Variants in EPM2A observed in about 807,000 individuals in gnomAD.
EPM2A encodes EPM2A glucan phosphatase, laforin.
EPM2A carries 21 observed loss-of-function variants against 26.5 expected under a neutral mutation model. That is an observed-to-expected ratio of 0.79 (90% CI 0.56 to 1.14). The LOEUF (loss-of-function observed/expected upper bound fraction) is 1.14, where lower values mean the gene tolerates loss of function less well. Among genes scored for constraint, EPM2A ranks in the 50% most tolerant of loss-of-function variants. EPM2A has a pLI of 0.00. For synonymous variants in EPM2A, 217 were observed against 177.6 expected, an observed-to-expected ratio of 1.22 and a Z score of -1.76; for missense variants, 458 against 440.8, an observed-to-expected ratio of 1.04 and a Z score of -0.35.
intron 4 of EPM2A, among the ~76,000 whole-genome samples, chr6:145,456,881 G>A (rs903240703): frequency 8.5e-5 from 13 of 152,154 alleles, no homozygotes; most frequent in African/African-American, 3.1e-4. Context: ...AATTTTCAAT[G>A]TATATATTTT....
chr6:145,436,114 G>A (rs145567050), intron 4 of EPM2A, among the ~76,000 whole-genome samples: 29 of 152,120 alleles, frequency 1.9e-4, no homozygotes, highest in African/African-American at 6.5e-4. Context: ...TCTCCTTCCC[G>A]CCAACCACTG....
chr6:145,663,464 G>A (rs900270642), intron 2 of EPM2A, among the ~76,000 whole-genome samples: 1 of 152,220 alleles, frequency 6.6e-6, no homozygotes, highest in African/African-American at 2.4e-5. Flanking sequence ...AAGGGGTCAG[G>A]GAGTTCCCTT....
chr6:145,444,596 T>C (rs370481832), intron 4 of EPM2A, among the ~76,000 whole-genome samples: 103 of 152,342 alleles, frequency 6.8e-4, no homozygotes, highest in African/African-American at 2.3e-3. Flanking sequence ...CCTGGACCCA[T>C]AGAATGAGTT....
At chr6:145,714,720 CAA>C (rs1476905871) in intron 1 of EPM2A, among the ~76,000 whole-genome samples, 1 of 152,126 alleles carries the variant, frequency 6.6e-6, no homozygotes, top group Admixed American at 6.5e-5. Context: ...TGACAGCAGG[CAA>C]AGAGAGAGAG....
chr6:145,468,605 A>G (rs913938791), intron 4 of EPM2A, among the ~76,000 whole-genome samples: 4 of 148,044 alleles, frequency 2.7e-5, no homozygotes, highest in Non-Finnish European at 4.5e-5. Flanking sequence ...CTAGACCTCT[A>G]TCTCTCATCA....
intron 2 of EPM2A, among the ~76,000 whole-genome samples, chr6:145,577,033 CA>C (rs1032494084): frequency 6.0e-5 from 9 of 148,824 alleles, no homozygotes; most frequent in African/African-American, 1.7e-4. Flanking sequence ...TACACACACA[CA>C]AAAGAAAAAA....
chr6:145,482,567 T>C (rs1245201491), intron 4 of EPM2A, among the ~76,000 whole-genome samples: 1 of 152,106 alleles, frequency 6.6e-6, no homozygotes, highest in Non-Finnish European at 1.5e-5. Context: ...AGATACTCTA[T>C]GTAATCTTTA....
intron 2 of EPM2A, among the ~76,000 whole-genome samples, chr6:145,573,581 A>G (rs1157993123): frequency 6.6e-6 from 1 of 152,220 alleles, no homozygotes; most frequent in East Asian, 1.9e-4. Context: ...GTCCTTGATG[A>G]TGGCACTAAT....
chr6:145,490,074 A>G (rs1212535699), intron 4 of EPM2A: 3 of 1,293,520 alleles, frequency 2.3e-6, no homozygotes, highest in Non-Finnish European at 3.2e-6. Flanking sequence ...ACCTGAAGCA[A>G]TGGTAGCACA....
chr6:145,397,056 T>C (rs1248808384), intron 4 of EPM2A, among the ~76,000 whole-genome samples: 2 of 152,218 alleles, frequency 1.3e-5, no homozygotes, highest in Non-Finnish European at 1.5e-5. Flanking sequence ...AAACATTTCA[T>C]GTGTCCTGCC....
chr6:145,498,302 G>C (rs938386477), downstream of EPM2A, among the ~76,000 whole-genome samples: 3 of 152,172 alleles, frequency 2.0e-5, no homozygotes, highest in Non-Finnish European at 4.4e-5. Flanking sequence ...CATGGAAGTG[G>C]GGCCCTCAGA....
At chr6:145,584,027 T>C (rs184776608) in intron 2 of EPM2A, among the ~76,000 whole-genome samples, 40 of 152,192 alleles carry the variant, frequency 2.6e-4, no homozygotes, top group Admixed American at 1.7e-3. Context: ...TGGGGCAGCA[T>C]AGTGTGTGTG....
intron 2 of EPM2A, among the ~76,000 whole-genome samples, chr6:145,656,616 A>G (rs1009974385): frequency 2.0e-5 from 3 of 151,936 alleles, no homozygotes; most frequent in African/African-American, 7.3e-5. Flanking sequence ...AGGTGGCATT[A>G]GAGAGAGGGC....
chr6:145,494,077 C>T (rs1194496636), intron 4 of EPM2A, among the ~76,000 whole-genome samples: 1 of 152,168 alleles, frequency 6.6e-6, no homozygotes, highest in Non-Finnish European at 1.5e-5. Flanking sequence ...ATTCTGTGTA[C>T]ATCTGGTAGA....
intron 1 of EPM2A, among the ~76,000 whole-genome samples, chr6:145,712,198 T>C (rs1775370835): frequency 6.6e-6 from 1 of 152,140 alleles, no homozygotes; most frequent in Admixed American, 6.6e-5. Context: ...ATGGTGAAGA[T>C]GAAGCCTGCA....
chr6:145,671,483 T>A, intron 2 of EPM2A: 4 of 653,416 alleles, frequency 6.1e-6, no homozygotes, highest in Non-Finnish European at 7.6e-6. Context: ...GCCTTAGCTT[T>A]TGAAATTAAC....
chr6:145,479,971 A>G (rs9399550), intron 4 of EPM2A, among the ~76,000 whole-genome samples: 12,132 of 152,094 alleles, frequency 0.08, 691 homozygotes, highest in East Asian at 0.27. Context: ...GCAAAGTGGT[A>G]TCTCATTGTA....
At chr6:145,410,448 A>G (rs918259023) in intron 4 of EPM2A, among the ~76,000 whole-genome samples, 3 of 152,238 alleles carry the variant, frequency 2.0e-5, no homozygotes, top group African/African-American at 7.2e-5. Context: ...AAAGCCTGTG[A>G]CTGACATGAT....
intron 4 of EPM2A, chr6:145,490,812 T>C: frequency 5.0e-6 from 3 of 594,868 alleles, no homozygotes; most frequent in South Asian, 2.8e-5. Flanking sequence ...TGTATGCTTG[T>C]AGGGTCAGAT....
Sources: allele counts gnomAD v4.1 joint callset (sites outside exome capture counted in the v4.1 genomes callset), GRCh38; gene constraint gnomAD v4.1.1; transcripts MANE v1.5; gene names NCBI Gene and HGNC (gene_info 2026-07-23, HGNC 2026-07-21).